TMEM131: variants seen among roughly 807,000 people sequenced by gnomAD.
TMEM131 encodes the protein 2610524E03Rik.
In TMEM131, 66 loss-of-function variants were observed where a neutral mutation model predicts 211.6. The observed-to-expected ratio is 0.31, with a 90% CI of 0.26 to 0.38. The LOEUF (loss-of-function observed/expected upper bound fraction) is 0.38. Ranked by LOEUF, TMEM131 falls within the 10% of genes least tolerant of loss-of-function variation. The pLI, the probability that TMEM131 is intolerant of heterozygous loss-of-function variation, is 1.00. For synonymous variants in TMEM131, 844 were observed against 841.3 expected, an observed-to-expected ratio of 1.00 and a Z score of -0.06; for missense variants, 2,036 against 2,299.3, an observed-to-expected ratio of 0.89 and a Z score of 2.34.
chr2:97,879,415 T>C (rs1674831199), intron 4 of TMEM131, among the ~76,000 whole-genome samples: 1 of 152,222 alleles, frequency 6.6e-6, no homozygotes. Flanking sequence ...CCTCAGTTAA[T>C]TTCAGGTTTC....
chr2:97,927,968 T>G (rs751874165), intron 1 of TMEM131, among the ~76,000 whole-genome samples: 18 of 152,074 alleles, frequency 1.2e-4, no homozygotes, highest in Non-Finnish European at 1.8e-4. Context: ...GCAGGGAAAA[T>G]AGCAAAAGAT....
chr2:97,900,287 T>C (rs1213790868), intron 3 of TMEM131, among the ~76,000 whole-genome samples: 33 of 152,072 alleles, frequency 2.2e-4, no homozygotes, highest in Admixed American at 2.1e-3. Context: ...AAGCTGAACT[T>C]ACACCTTCTA....
chr2:97,990,660 G>A (rs906027324), intron 1 of TMEM131, among the ~76,000 whole-genome samples: 1 of 152,152 alleles, frequency 6.6e-6, no homozygotes, highest in Admixed American at 6.5e-5. Flanking sequence ...ACAAGGAAAA[G>A]CAACATGTGG....
At chr2:97,890,750 T>C (rs1675343963) in intron 3 of TMEM131, among the ~76,000 whole-genome samples, 1 of 152,216 alleles carries the variant, frequency 6.6e-6, no homozygotes, top group Non-Finnish European at 1.5e-5. Context: ...ATGATCACTG[T>C]AGACAAATCA....
At chr2:97,772,446 T>C in intron 32 of TMEM131, 22 bp from the exon 33 acceptor site, 1 of 1,604,258 alleles carries the variant, frequency 6.2e-7, no homozygotes. Context: ...GGACACTTAA[T>C]TGCTGAGAAG....
intron 13 of TMEM131, 149 bp from the exon 14 acceptor site, chr2:97,814,537 CTATA>C: frequency 1.2e-6 from 1 of 838,838 alleles, no homozygotes; most frequent in South Asian, 2.8e-5. Flanking sequence ...TAGTGATTGA[CTATA>C]TGATTTAAAA....
chr2:97,924,870 A>G (rs1676914569), intron 2 of TMEM131, among the ~76,000 whole-genome samples: 1 of 152,026 alleles, frequency 6.6e-6, no homozygotes, highest in Non-Finnish European at 1.5e-5. Flanking sequence ...AGGGACTTGA[A>G]CTCAGGGAAC....
intron 32 of TMEM131, among the ~76,000 whole-genome samples, chr2:97,773,654 GTTTT>G (rs34393939): frequency 6.8e-6 from 1 of 146,504 alleles, no homozygotes; most frequent in Non-Finnish European, 1.5e-5. Flanking sequence ...ATTATGTGTG[GTTTT>G]TTTTTTTTTG....
chr2:97,919,128 A>T (rs552854064), intron 2 of TMEM131, among the ~76,000 whole-genome samples: 1 of 152,328 alleles, frequency 6.6e-6, no homozygotes, highest in South Asian at 2.1e-4. Context: ...GTCAAGCTTC[A>T]TAAGATTTAG....
intron 1 of TMEM131, among the ~76,000 whole-genome samples, chr2:97,995,256 G>A (rs776898253): frequency 1.3e-5 from 2 of 152,244 alleles, no homozygotes; most frequent in Non-Finnish European, 2.9e-5. Flanking sequence ...GTTTTGAAAT[G>A]GCAGTGACAG....
chr2:97,884,318 T>A (rs2104227726), intron 4 of TMEM131, among the ~76,000 whole-genome samples: 1 of 152,334 alleles, frequency 6.6e-6, no homozygotes, highest in Non-Finnish European at 1.5e-5. Context: ...AAAATTTTTT[T>A]GAGATTCATT....
At chr2:97,795,430 T>C (rs1324889795) in intron 28 of TMEM131, among the ~76,000 whole-genome samples, 1 of 152,180 alleles carries the variant, frequency 6.6e-6, no homozygotes, top group East Asian at 1.9e-4. Context: ...TCCATGCTCT[T>C]TTCCCAGGCT....
Position 97,768,789 on chromosome 2 carries a change from C to T in TMEM131, c.4449-2187G>A, listed in dbSNP as rs1052785753. Among the ~76,000 whole-genome samples, 6 of 152,030 alleles carry T rather than the reference C, an allele frequency of 3.9e-5. No homozygotes were observed. The East Asian group carries it at 7.7e-4, about 20-fold the overall frequency. On this transcript the variant is annotated intron_variant, in intron 33 of 40. Coordinates refer to ENST00000186436, the MANE Select transcript of TMEM131 (RefSeq NM_015348.2). ...TATTTTTAACAGAGATGGGGTTTCA[C>T]GATGTTGGTGAGGCTGGTCTCGAAG...
At chr2:97,801,378 G>C (rs1681028696) in intron 25 of TMEM131, among the ~76,000 whole-genome samples, 1 of 152,198 alleles carries the variant, frequency 6.6e-6, no homozygotes, top group African/African-American at 2.4e-5. Context: ...ATAGAAAATA[G>C]TTTGGTTCCT....
At chr2:97,779,081 A>T (rs1679865941) in intron 31 of TMEM131, among the ~76,000 whole-genome samples, 1 of 152,232 alleles carries the variant, frequency 6.6e-6, no homozygotes, top group African/African-American at 2.4e-5. Flanking sequence ...CTCAGGGTCT[A>T]GGCCCCACCC....
At chr2:97,921,640 T>C (rs1676744061) in intron 2 of TMEM131, among the ~76,000 whole-genome samples, 1 of 152,178 alleles carries the variant, frequency 6.6e-6, no homozygotes, top group African/African-American at 2.4e-5. Context: ...TTTTTGTTAC[T>C]GCTGTGAGGT....
intron 3 of TMEM131, among the ~76,000 whole-genome samples, chr2:97,902,679 A>G (rs1675905514): frequency 6.6e-6 from 1 of 152,216 alleles, no homozygotes; most frequent in Non-Finnish European, 1.5e-5. Flanking sequence ...GATATGATAC[A>G]AAGTATTAAT....
chr2:97,911,324 T>A (rs973737656), intron 2 of TMEM131, among the ~76,000 whole-genome samples: 1 of 152,172 alleles, frequency 6.6e-6, no homozygotes, highest in African/African-American at 2.4e-5. Context: ...GGGGCACAAG[T>A]AGACTTTTAA....
chr2:97,803,028 T>C (rs79863578), intron 22 of TMEM131, among the ~76,000 whole-genome samples: 2,985 of 152,308 alleles, frequency 0.02, 117 homozygotes, highest in African/African-American at 0.067. Flanking sequence ...ATAGAAAGGA[T>C]GATAAATCTT....
Sources: allele counts gnomAD v4.1 joint callset (sites outside exome capture counted in the v4.1 genomes callset), GRCh38; gene constraint gnomAD v4.1.1; transcripts MANE v1.5; gene names NCBI Gene and HGNC (gene_info 2026-07-23, HGNC 2026-07-21).